The following HAO1 variants were observed in gnomAD, a reference collection of about 807,000 sequenced individuals.
HAO1 encodes the protein 2-Hydroxyacid oxidase 1.
Under a neutral mutation model 39.7 loss-of-function variants are expected in HAO1, and 34 were observed. The observed-to-expected ratio is 0.86, with a 90% CI of 0.65 to 1.14. HAO1 has a LOEUF of 1.14. Ranked by LOEUF, HAO1 falls within the 50% of genes most tolerant of loss-of-function variation. The probability of loss-of-function intolerance (pLI) is 0.00; values close to 1 mark genes in which losing one functional copy is unlikely to be tolerated. For missense variants in HAO1, 479 were observed against 464.5 expected (o/e 1.03, Z -0.29); for synonymous variants, 172 against 173.2 (o/e 0.99, Z 0.05).
At chr20:7,914,500 A>T in intron 2 of HAO1, 81 bp from the exon 3 acceptor site, 1 of 1,493,072 alleles carries the variant, frequency 6.7e-7, no homozygotes, top group Non-Finnish European at 9.1e-7. Flanking sequence ...GGATGAGTAA[A>T]GACATCTAGA....
intron 2 of HAO1, among the ~76,000 whole-genome samples, chr20:7,914,868 C>T (rs1028673820): frequency 1.3e-5 from 2 of 152,138 alleles, no homozygotes; most frequent in Admixed American, 1.3e-4. Flanking sequence ...CCTGTAATCC[C>T]AGCACTTTGG....
In HAO1 at chr20:7,895,156, G is replaced by T. The variant is rs745989507; in HGVS notation, c.790C>A (p.Gln264Lys). The change falls in exon 5 of 8, where the codon CAA becomes AAA. Residue 264 changes from glutamine (Q) to lysine (K), a missense_variant. By Grantham distance (53) the Gln-to-Lys change is moderately conservative (BLOSUM62 1). Coordinates refer to ENST00000378789, the MANE Select transcript of HAO1 (RefSeq NM_017545.3). ...ACAGTGGCTGGCACCCCATCGAGTT[G>T]TCGAGCCCCATGATTCGACACCAAG... ...GILVSNHGAR[Q>K]LDGVPATIDV... 2.0e-5 allele frequency: 33 copies of T among 1,611,724 alleles called. No homozygotes were observed. Among genetic ancestry groups the T allele is most frequent in the Non-Finnish European group, 2.5e-5 (29 of 1,178,092 alleles).
rs369527915 is a variant in HAO1 at position 7,888,689 on chromosome 20, G to C, written c.814-2825C>G. Among the ~76,000 whole-genome samples the C allele has an allele frequency of 6.4e-4, 98 of 152,228 alleles. No homozygotes were observed. In the Middle Eastern group the frequency reaches 0.01, roughly 16 times the overall value. ...CTGATTGTTTGCAACTGCAAAAATG[G>C]CTGCAATGATCTCCTCTTTATCTTC... On this transcript the variant is annotated intron_variant, in intron 5 of 7. Transcript: ENST00000378789.
At chr20:7,915,594 G>T (rs531378254) in intron 2 of HAO1, among the ~76,000 whole-genome samples, 5 of 150,360 alleles carry the variant, frequency 3.3e-5, no homozygotes, top group African/African-American at 1.3e-4. Context: ...GATAAAGATA[G>T]AGATAGAGAG....
In HAO1 at chr20:7,932,295, C is replaced by G. The variant is rs2235245; in HGVS notation, c.289+2189G>C. On this transcript the variant is annotated intron_variant, in intron 2 of 7. Transcript: ENST00000378789. The stretch of plus-strand genomic sequence containing the variant: ...CCAGTCTCGAAGAGTATCTTTAAAT[C>G]AGTGTGAGAAGGAACTAATACATGT... Among the ~76,000 whole-genome samples the G allele has an allele frequency of 0.24, 36,876 of 152,090 alleles. 4,898 individuals are homozygous for G. The highest frequency in any genetic ancestry group is 0.48 in the East Asian group (2,469 of 5,146).
chr20:7,923,685 T>C (rs1350180491), intron 2 of HAO1, among the ~76,000 whole-genome samples: 1 of 152,130 alleles, frequency 6.6e-6, no homozygotes, highest in Non-Finnish European at 1.5e-5. Flanking sequence ...CATCCCAGGC[T>C]CTGATCAGGG....
intron 2 of HAO1, among the ~76,000 whole-genome samples, chr20:7,924,640 A>C (rs2050350840): frequency 6.6e-6 from 1 of 152,178 alleles, no homozygotes; most frequent in African/African-American, 2.4e-5. Flanking sequence ...ATTCAAGCAG[A>C]ACAATTAAGT....
chr20:7,934,651 A>G lies in HAO1; in HGVS notation c.138-16T>C, dbSNP rs1000764110. ...CAGCTTCCATCTAGAATTAAAAAAT[A>G]AAATAAAATAAAAGGCTTTAGAGTT... On this transcript the variant is annotated splice_polypyrimidine_tract_variant and intron_variant, in intron 1 of 7. Transcript: ENST00000378789. The G allele has an allele frequency of 1.3e-6, 2 of 1,511,628 alleles. No homozygotes were observed. The highest frequency in any genetic ancestry group is 1.4e-5 in the African/African-American group (1 of 70,244). The allele number at this position is 1,511,628 out of a possible 1,614,324, so 93.6% of individuals were successfully genotyped here.
At chr20:7,917,339 CAAA>C (rs55848354) in intron 2 of HAO1, among the ~76,000 whole-genome samples, 3 of 62,394 alleles carry the variant, frequency 4.8e-5, no homozygotes, top group Non-Finnish European at 6.5e-5. Flanking sequence ...GACTCCCTGT[CAAA>C]AAAAAAAAAA....
intron 7 of HAO1, 61 bp from the exon 8 acceptor site, chr20:7,883,724 C>A: frequency 8.0e-7 from 1 of 1,255,074 alleles, no homozygotes; most frequent in South Asian, 1.2e-5. Flanking sequence ...GGCAGGTAAT[C>A]GTTTTCCCAA....
chr20:7,929,134 C>T (rs992419731), intron 2 of HAO1, among the ~76,000 whole-genome samples: 6 of 152,054 alleles, frequency 3.9e-5, no homozygotes, highest in African/African-American at 1.5e-4. Flanking sequence ...CATTACAAGC[C>T]TGGCTCCTAA....
chr20:7,911,685 AC>A (rs1461826170), intron 3 of HAO1, among the ~76,000 whole-genome samples: 1 of 152,124 alleles, frequency 6.6e-6, no homozygotes, highest in East Asian at 1.9e-4. Flanking sequence ...ATGCCAAGAG[AC>A]AGGACCCTCC....
intron 3 of HAO1, among the ~76,000 whole-genome samples, chr20:7,909,510 ATC>A (rs1446529795): frequency 6.7e-6 from 1 of 150,340 alleles, no homozygotes; most frequent in African/African-American, 2.4e-5. Flanking sequence ...CCAAATCCTG[ATC>A]TGTTTAATGA....
intron 3 of HAO1, among the ~76,000 whole-genome samples, chr20:7,911,478 G>A (rs994911175): frequency 1.2e-4 from 19 of 152,180 alleles, no homozygotes; most frequent in African/African-American, 3.9e-4. Flanking sequence ...GAAAGAAAAA[G>A]TTCCTGCCCC....
At position 7,906,146 on chromosome 20, in the gene HAO1, A is replaced by G; in HGVS notation, c.721+8T>C. The G allele has an allele frequency of 6.3e-7, 1 of 1,596,382 alleles. No homozygotes were observed. Among genetic ancestry groups the G allele is most frequent in the South Asian group, 1.1e-5 (1 of 90,664 alleles). On this transcript the variant is annotated splice_region_variant and intron_variant, in intron 4 of 7. Transcript: ENST00000378789. Reference sequence around the variant, plus strand: ...TCAGTATGAATTCAAGTAGAGAAATAAACGAACCTCTCAAAATGCCCTTTG... The same window carrying G: ...TCAGTATGAATTCAAGTAGAGAAATGAACGAACCTCTCAAAATGCCCTTTG...
chr20:7,921,764 C>T (rs987035123), intron 2 of HAO1, among the ~76,000 whole-genome samples: 3 of 152,156 alleles, frequency 2.0e-5, no homozygotes, highest in Non-Finnish European at 2.9e-5. Context: ...CCATGGAATA[C>T]TATGTAGCCA....
chr20:7,903,418 A>G (rs1265801372), intron 4 of HAO1, among the ~76,000 whole-genome samples: 1 of 152,086 alleles, frequency 6.6e-6, no homozygotes, highest in East Asian at 1.9e-4. Flanking sequence ...AACAAACCAG[A>G]AATCCATATG....
At chr20:7,921,059 CAA>C (rs34357188) in intron 2 of HAO1, among the ~76,000 whole-genome samples, 2 of 143,566 alleles carry the variant, frequency 1.4e-5, no homozygotes, top group South Asian at 2.1e-4. Context: ...TGCTAATATC[CAA>C]AAAAAAAAAT....
chr20:7,923,838 A>G (rs759153197), intron 2 of HAO1, among the ~76,000 whole-genome samples: 22 of 152,174 alleles, frequency 1.4e-4, no homozygotes, highest in Non-Finnish European at 2.4e-4. Flanking sequence ...CCATACTTTG[A>G]GAACCATGAG....
Sources: allele counts gnomAD v4.1 joint callset (sites outside exome capture counted in the v4.1 genomes callset), GRCh38; gene constraint gnomAD v4.1.1; transcripts MANE v1.5; gene names NCBI Gene and HGNC (gene_info 2026-07-23, HGNC 2026-07-21).